NCAM2: variants seen among roughly 807,000 people sequenced by gnomAD.
The protein encoded by NCAM2 is N-CAM-2.
A neutral mutation model predicts 98.1 loss-of-function variants in NCAM2; 30 were observed. That is an observed-to-expected ratio of 0.31 (90% CI 0.23 to 0.41). The LOEUF (loss-of-function observed/expected upper bound fraction) is 0.41. NCAM2 is among the 10% of genes least tolerant of loss of function. The probability of loss-of-function intolerance (pLI) is 1.00; values close to 1 mark genes in which losing one functional copy is unlikely to be tolerated. For synonymous variants in NCAM2, 368 were observed against 342.4 expected, an observed-to-expected ratio of 1.07 and a Z score of -0.83; for missense variants, 867 against 1,005.8, an observed-to-expected ratio of 0.86 and a Z score of 1.87.
chr21:21,097,378 A>T (rs975053260), intron 1 of NCAM2, among the ~76,000 whole-genome samples: 24 of 151,746 alleles, frequency 1.6e-4, no homozygotes, highest in Non-Finnish European at 5.9e-5. Context: ...TTATTTCACT[A>T]AACAGTGGAA....
intron 1 of NCAM2, among the ~76,000 whole-genome samples, chr21:21,010,147 T>G (rs1020509388): frequency 1.3e-5 from 2 of 152,182 alleles, no homozygotes; most frequent in Admixed American, 1.3e-4. Context: ...TATTTTTACT[T>G]TTATCTCCCT....
At chr21:21,275,701 T>C (rs367787607) in intron 1 of NCAM2, among the ~76,000 whole-genome samples, 8 of 152,142 alleles carry the variant, frequency 5.3e-5, no homozygotes, top group African/African-American at 1.9e-4. Flanking sequence ...AGATGTAACG[T>C]ACCTTGAATC....
intron 1 of NCAM2, among the ~76,000 whole-genome samples, chr21:21,106,437 A>G (rs2066351578): frequency 1.3e-5 from 2 of 151,888 alleles, no homozygotes; most frequent in South Asian, 4.1e-4. Context: ...ATTTTTAAAT[A>G]TAAAAATAAT....
At chr21:21,265,352 A>G (rs1250218508) in intron 1 of NCAM2, among the ~76,000 whole-genome samples, 2 of 115,274 alleles carry the variant, frequency 1.7e-5, no homozygotes, top group African/African-American at 3.2e-5. Flanking sequence ...GTATGTATGT[A>G]TATATTATAT....
chr21:21,055,407 A>G (rs2065191406), intron 1 of NCAM2, among the ~76,000 whole-genome samples: 1 of 152,124 alleles, frequency 6.6e-6, no homozygotes, highest in Non-Finnish European at 1.5e-5. Context: ...TCCAGTAAAT[A>G]ACAAACAGAA....
chr21:21,249,536 C>T (rs1236331892), intron 1 of NCAM2, among the ~76,000 whole-genome samples: 1 of 152,164 alleles, frequency 6.6e-6, no homozygotes, highest in Non-Finnish European at 1.5e-5. Flanking sequence ...ATGTGTCTTA[C>T]AGCCACCGTG....
chr21:21,057,705 A>G (rs1417787970), intron 1 of NCAM2, among the ~76,000 whole-genome samples: 2 of 152,142 alleles, frequency 1.3e-5, no homozygotes, highest in Non-Finnish European at 2.9e-5. Context: ...TAAAGTTGTC[A>G]TTTAAGAAAG....
chr21:21,459,481 T>C (rs549669247), intron 12 of NCAM2, among the ~76,000 whole-genome samples: 167 of 148,294 alleles, frequency 1.1e-3, no homozygotes, highest in African/African-American at 3.5e-3. Context: ...ACATATAATA[T>C]TCCTGTATGC....
chr21:21,482,052 C>A (rs920209928), intron 15 of NCAM2, among the ~76,000 whole-genome samples: 1 of 151,822 alleles, frequency 6.6e-6, no homozygotes, highest in Non-Finnish European at 1.5e-5. Context: ...GAGCCAAGAT[C>A]GCGCCATTGC....
At position 20,998,446 on chromosome 21, in the gene NCAM2, G is replaced by GGGCACCGCGGGAGCGGCGGC. The variant is rs2063957378; in HGVS notation, c.-114_-95dup. On this transcript the variant is annotated 5_prime_UTR_variant, in exon 1 of 18. Coordinates refer to ENST00000400546, the MANE Select transcript of NCAM2 (RefSeq NM_004540.5). ...GGAGCGCGCGGGCTGCGGGCGGCTG[G>GGGCACCGCGGGAGCGGCGGC]GGCACCGCGGGAGCGGCGGCGGCGG... 9.6e-6 allele frequency: 9 copies of GGGCACCGCGGGAGCGGCGGC among 933,040 alleles called. No individual in the cohort carries two copies. Among genetic ancestry groups the GGGCACCGCGGGAGCGGCGGC allele is most frequent in the African/African-American group, 1.7e-5 (1 of 59,352 alleles). The allele number at this position is 933,040 out of a possible 1,614,324, so 57.8% of individuals were successfully genotyped here. A position where few individuals can be genotyped will look rare whatever the true frequency, so the allele number is the denominator to read the frequency against.
At chr21:21,458,274 A>G (rs1322154378) in intron 12 of NCAM2, among the ~76,000 whole-genome samples, 1 of 152,240 alleles carries the variant, frequency 6.6e-6, no homozygotes, top group African/African-American at 2.4e-5. Context: ...AACTTTGGTC[A>G]TGTTCCTGTG....
At chr21:21,191,111 A>C (rs1205245045) in intron 1 of NCAM2, among the ~76,000 whole-genome samples, 2 of 152,180 alleles carry the variant, frequency 1.3e-5, no homozygotes, top group Non-Finnish European at 2.9e-5. Flanking sequence ...AACTGTCAGG[A>C]GGTCCCTTTA....
At chr21:21,157,150 G>A (rs1311487448) in intron 1 of NCAM2, among the ~76,000 whole-genome samples, 1 of 151,930 alleles carries the variant, frequency 6.6e-6, no homozygotes, top group African/African-American at 2.4e-5. Flanking sequence ...ACTCATGGCT[G>A]TATCTTTCAC....
intron 1 of NCAM2, among the ~76,000 whole-genome samples, chr21:21,065,179 C>CA (rs926937059): frequency 2.0e-4 from 30 of 150,350 alleles, no homozygotes; most frequent in African/African-American, 4.9e-4. Context: ...GACTCTCTCT[C>CA]AAAAAAAACA....
In NCAM2 at chr21:21,317,729, C is replaced by G. The variant is rs559266529; in HGVS notation, c.620-6654C>G. Among the ~76,000 whole-genome samples, 16 of 151,958 alleles carry G rather than the reference C, an allele frequency of 1.1e-4. 1 individual carries two copies. In the East Asian group the frequency reaches 3.1e-3, roughly 30 times the overall value. On this transcript the variant is annotated intron_variant, in intron 5 of 17. Transcript: ENST00000400546. ...TTCTATTTTTTTGTAGCGACAGGCTCTCATTATGTTTCTCAGGCTCATCTC... is the reference window on the plus strand; with the variant it reads ...TTCTATTTTTTTGTAGCGACAGGCTGTCATTATGTTTCTCAGGCTCATCTC...
chr21:21,163,274 A>G (rs1214297602), intron 1 of NCAM2, among the ~76,000 whole-genome samples: 2 of 151,138 alleles, frequency 1.3e-5, no homozygotes, highest in Admixed American at 6.6e-5. Context: ...GATTACCTGT[A>G]GGAGAGAGCA....
At chr21:21,047,050 CT>C (rs5842874) in intron 1 of NCAM2, among the ~76,000 whole-genome samples, 152,092 of 152,096 alleles carry the variant, frequency 1, 76,044 homozygotes, top group Middle Eastern at 1. Flanking sequence ...GCTTATTTTC[CT>C]TTTTTTTGAG....
chr21:21,025,307 A>T (rs1227025340), intron 1 of NCAM2, among the ~76,000 whole-genome samples: 1 of 152,070 alleles, frequency 6.6e-6, no homozygotes, highest in Non-Finnish European at 1.5e-5. Flanking sequence ...GGATGGTCTC[A>T]ATCTCCTGAC....
At chr21:21,299,676 G>T (rs1451449032) in intron 5 of NCAM2, among the ~76,000 whole-genome samples, 1 of 146,728 alleles carries the variant, frequency 6.8e-6, no homozygotes, top group African/African-American at 2.5e-5. Context: ...TCTAGAACTA[G>T]AAAGCAATTC....
Sources: gnomAD v4.1 joint callset for allele counts (sites outside exome capture counted in the v4.1 genomes callset) on GRCh38, gnomAD v4.1.1 for gene constraint, MANE v1.5 for transcripts, NCBI Gene and HGNC (gene_info 2026-07-23, HGNC 2026-07-21) for gene names.